Variants in KATNB1 observed in about 807,000 individuals in gnomAD.
KATNB1 encodes the protein katanin regulatory subunit B1, also known as katanin p80 WD40 repeat-containing subunit B1.
Under a neutral mutation model 82.3 loss-of-function variants are expected in KATNB1, and 38 were observed. That is an observed-to-expected ratio of 0.46 (90% confidence interval 0.36 to 0.61). KATNB1 has a LOEUF of 0.61. Among genes scored for constraint, KATNB1 ranks in the 20% least tolerant of loss-of-function variants. KATNB1 has a pLI of 0.00. For synonymous variants in KATNB1, 361 were observed against 368.7 expected (o/e 0.98, Z 0.24); for missense variants, 749 against 915.7 (o/e 0.82, Z 2.35).
At chr16:57,753,848 G>A (rs2049251432) in intron 12 of KATNB1, 97 bp from the exon 13 acceptor site, 5 of 1,163,964 alleles carry the variant, frequency 4.3e-6, no homozygotes, top group Non-Finnish European at 3.7e-6. Flanking sequence ...CCGCATGCCT[G>A]GGAGCTACCC....
intron 13 of KATNB1, among the ~76,000 whole-genome samples, chr16:57,754,518 T>C (rs1421562776): frequency 2.6e-5 from 4 of 152,148 alleles, no homozygotes; most frequent in African/African-American, 9.7e-5. Flanking sequence ...ATCTGCACTG[T>C]GGTTGGAGAA....
intron 11 of KATNB1, 28 bp from the exon 12 acceptor site, chr16:57,753,361 T>C (rs782686930): frequency 6.2e-7 from 1 of 1,600,004 alleles, no homozygotes; most frequent in Non-Finnish European, 8.5e-7. Context: ...GGCACCTGCT[T>C]CCGTTGGGCT....
rs973131816 is a variant in KATNB1, at chr16:57,753,031, G to T, written c.856-46G>T. On this transcript the variant is annotated intron_variant, in intron 10 of 19. Transcript: ENST00000379661. ...ACCCCCACACTGGGGCTGGGATTTTGCCCCCTCGGCTTGCAGTCCCAGCCC... is the reference window on the plus strand; with the variant it reads ...ACCCCCACACTGGGGCTGGGATTTTTCCCCCTCGGCTTGCAGTCCCAGCCC... 3.2e-6 allele frequency: 5 copies of T among 1,586,582 alleles called. No homozygotes were observed. The African/African-American group carries it at 5.4e-5, about 17-fold the overall frequency.
intron 19 of KATNB1, 96 bp downstream of exon 19, chr16:57,756,568 G>A: frequency 7.8e-7 from 1 of 1,274,134 alleles, no homozygotes; most frequent in Non-Finnish European, 1.1e-6. Context: ...AGTCCTGCTG[G>A]GACAGAGTAC....
Position 57,752,041 on chromosome 16 carries a change from C to T in KATNB1, c.618C>T (p.Ser206=), listed in dbSNP as rs1348215015. The change falls in exon 8 of 20, where the codon TCC becomes TCT. Residue 206 remains serine, a synonymous_variant. Coordinates refer to ENST00000379661, the MANE Select transcript of KATNB1 (RefSeq NM_005886.3). The part of the protein sequence containing the change: ...EFHPNEYLLA[S]GSSDRTIRFW... Reference sequence around the variant, plus strand: ...ACCCCAACGAGTACCTCCTGGCCTCCGGCAGCTCTGACAGGTGAGGAGGAG... The same window carrying T: ...ACCCCAACGAGTACCTCCTGGCCTCTGGCAGCTCTGACAGGTGAGGAGGAG... The T allele has an allele frequency of 3.7e-5, 59 of 1,611,236 alleles. No individual in the cohort carries two copies. Among genetic ancestry groups the T allele is most frequent in the Non-Finnish European group, 4.7e-5 (56 of 1,179,050 alleles).
chr16:57,754,937 C>CACAGCAAAGGAG lies in KATNB1; in HGVS notation c.1237_1248dup (p.Thr413_Glu416dup). On this transcript the variant is annotated inframe_insertion, in exon 14 of 20. Coordinates refer to ENST00000379661, the MANE Select transcript of KATNB1 (RefSeq NM_005886.3). ...TTTTCCTTTTGCCTCCAGACGCAGC[C>CACAGCAAAGGAG]ACAGCAAAGGAGGCAGCAAAGCCCA... 1 of 1,614,072 alleles carries CACAGCAAAGGAG rather than the reference C, an allele frequency of 6.2e-7. No homozygotes were observed. The highest frequency in any genetic ancestry group is 8.5e-7 in the Non-Finnish European group (1 of 1,180,024).
rs1373795408 is a variant in KATNB1 at position 57,751,634 on chromosome 16, C to G, written c.433-7C>G. ...CCAGGGTGAGCTCATGCCGTGTCCT[C>G]CCTCAGGGGCACAGCCAGGCCGTGC... On this transcript the variant is annotated splice_region_variant and splice_polypyrimidine_tract_variant and intron_variant, in intron 6 of 19. Transcript: ENST00000379661. This position sits in a 1 kb window ranked among gnomAD's most constrained non-coding sequence, Gnocchi z 6.3. 7 of 1,610,340 alleles carry G rather than the reference C, an allele frequency of 4.3e-6. No homozygotes were observed. The highest frequency in any genetic ancestry group is 5.9e-6 in the Non-Finnish European group (7 of 1,179,880).
At position 57,756,421 on chromosome 16, in the gene KATNB1, ACATGCTGGCGGCCC is replaced by A. The variant is rs1555586572; in HGVS notation, c.1787_1800del (p.Met596ThrfsTer15). 1 of 1,613,686 alleles carries A rather than the reference ACATGCTGGCGGCCC, an allele frequency of 6.2e-7. No homozygotes were observed. Among genetic ancestry groups the A allele is most frequent in the Non-Finnish European group, 8.5e-7 (1 of 1,179,986 alleles). ...CAGCGGTTTCTGCCCCTCATCACAG[ACATGCTGGCGGCCC>A]CACCCTCTGTGGGTGTGGATATCAG... On this transcript the variant is annotated frameshift_variant, in exon 19 of 20. Transcript: ENST00000379661. LOFTEE classifies it high-confidence loss of function.
chr16:57,752,114 C>T, intron 8 of KATNB1, 59 bp downstream of exon 8: 1 of 1,053,038 alleles, frequency 9.5e-7, no homozygotes, highest in Non-Finnish European at 1.5e-6. Flanking sequence ...GCCTTGTCCT[C>T]TGTGCGTGTC....
intron 3 of KATNB1, 38 bp from the exon 4 acceptor site, chr16:57,744,356 T>C: frequency 6.5e-7 from 1 of 1,530,460 alleles, no homozygotes; most frequent in Non-Finnish European, 9.0e-7. Context: ...CAGGGGTCTG[T>C]CCAGCAGTGC....
rs2049226185 is a variant in KATNB1, at chr16:57,751,351, A to AGTGTG, written c.432+58_432+62dup. On this transcript the variant is annotated intron_variant, in intron 6 of 19. Coordinates refer to ENST00000379661, the MANE Select transcript of KATNB1 (RefSeq NM_005886.3). This position sits in a 1 kb window ranked among gnomAD's most constrained non-coding sequence, Gnocchi z 6.3. ...CTCCATGAGCACCTTGCGGGCATTG[A>AGTGTG]GTGTGGTGTGGTGCCCAGACCCCAG... The AGTGTG allele has an allele frequency of 6.3e-7, 1 of 1,575,172 alleles. No homozygotes were observed. Among genetic ancestry groups the AGTGTG allele is most frequent in the African/African-American group, 1.3e-5 (1 of 74,258 alleles).
chr16:57,752,958 C>T (rs78458298), intron 10 of KATNB1, 30 bp downstream of exon 10: 3 of 1,598,484 alleles, frequency 1.9e-6, no homozygotes, highest in Admixed American at 1.7e-5. Flanking sequence ...CACCGCCCCC[C>T]ACTCCCACAG....
chr16:57,753,664 C>A, intron 12 of KATNB1, 145 bp downstream of exon 12: 1 of 1,169,370 alleles, frequency 8.6e-7, no homozygotes, highest in Non-Finnish European at 1.2e-6. Flanking sequence ...TCCTCACGTT[C>A]CCTGGGCCTT....
intron 3 of KATNB1, among the ~76,000 whole-genome samples, chr16:57,743,592 G>A (rs1326528042): frequency 1.3e-5 from 2 of 152,138 alleles, no homozygotes; most frequent in East Asian, 3.9e-4. Context: ...CAACCGTCTG[G>A]GGCCTGGCCT....
Position 57,755,467 on chromosome 16 carries a change from G to A in KATNB1, c.1539G>A (p.Arg513=), listed in dbSNP as rs371312228. 7 of 1,613,218 alleles carry A rather than the reference G, an allele frequency of 4.3e-6. No homozygotes were observed. In the African/African-American group the frequency reaches 9.3e-5, roughly 22 times the overall value. ...TSRHKNLDTV[R]AVWTMGDIKT... ...GCCACAAGAACCTGGACACTGTGCG[G>A]GCTGTGTGGACCATGGGCGACATCA... Residue 513 remains arginine (R), a synonymous_variant, in exon 16 of 20, where the codon CGG becomes CGA. Coordinates refer to ENST00000379661, the MANE Select transcript of KATNB1 (RefSeq NM_005886.3).
In KATNB1 at chr16:57,738,082, T is replaced by C. The variant is rs1260947763; in HGVS notation, c.40+799T>C. ...TCTTCTCAGACCCCCCGAAAGGATC[T>C]TGAGGATCCCAAGCATCCCCAGATC... On this transcript the variant is annotated intron_variant, in intron 2 of 19. Coordinates refer to ENST00000379661, the MANE Select transcript of KATNB1 (RefSeq NM_005886.3). Among the ~76,000 whole-genome samples, 3 of 152,198 alleles carry C rather than the reference T, an allele frequency of 2.0e-5. No homozygotes were observed. In the East Asian group the frequency reaches 5.8e-4, roughly 29 times the overall value.
Position 57,741,564 on chromosome 16 carries a change from G to A in KATNB1, c.41-123G>A, listed in dbSNP as rs568110191. ...CATGGTGGACACCAAAGGGGGAGCT[G>A]AAGGAGGCAGATCCTTCCACTGGGC... On this transcript the variant is annotated intron_variant, in intron 2 of 19. Transcript: ENST00000379661. 1.3e-5 allele frequency: 14 copies of A among 1,044,204 alleles called. No homozygotes were observed. In the East Asian group the frequency reaches 2.9e-4, roughly 22 times the overall value. 64.7% of individuals were successfully genotyped at this position (1,044,204 alleles called of 1,614,324 possible).
Position 57,757,079 on chromosome 16 carries a change from G to A in KATNB1, c.*133G>A, listed in dbSNP as rs1218215446. On this transcript the variant is annotated 3_prime_UTR_variant, in exon 20 of 20. Coordinates refer to ENST00000379661, the MANE Select transcript of KATNB1 (RefSeq NM_005886.3). ...GCTGTCCTGTGGCCGTCCTGGAGGA[G>A]GTGATGCTGGTCCCTGGCCACCTCT... 39 of 1,021,144 alleles carry A rather than the reference G, an allele frequency of 3.8e-5. No individual in the cohort carries two copies. Among genetic ancestry groups the A allele is most frequent in the East Asian group, 1.2e-4 (4 of 32,812 alleles). The allele number at this position is 1,021,144 out of a possible 1,614,324, so 63.3% of individuals were successfully genotyped here.
intron 4 of KATNB1, among the ~76,000 whole-genome samples, chr16:57,748,672 C>A (rs1211738916): frequency 6.6e-6 from 1 of 152,162 alleles, no homozygotes; most frequent in Non-Finnish European, 1.5e-5. Context: ...GCATCAGAGG[C>A]CTTCGTGGGA....
Sources: gnomAD v4.1 joint callset for allele counts (sites outside exome capture counted in the v4.1 genomes callset) on GRCh38, gnomAD v4.1.1 for gene constraint, Gnocchi (gnomAD v3.1) non-coding constraint, MANE v1.5 for transcripts, NCBI Gene and HGNC (gene_info 2026-07-23, HGNC 2026-07-21) for gene names.